Variants in THBS4 observed in about 807,000 individuals in gnomAD.
THBS4 encodes thrombospondin 4.
Under a neutral mutation model 115.7 loss-of-function variants are expected in THBS4, and 90 were observed. That is an observed-to-expected ratio of 0.78 (90% CI 0.66 to 0.93). The LOEUF is 0.93. Ranked by LOEUF, THBS4 falls within the 40% of genes least tolerant of loss-of-function variation. The pLI is 0.00. For synonymous variants in THBS4, 460 were observed against 479.3 expected, an observed-to-expected ratio of 0.96 and a Z score of 0.53; for missense variants, 1,087 against 1,232.7, an observed-to-expected ratio of 0.88 and a Z score of 1.77.
intron 8 of THBS4, among the ~76,000 whole-genome samples, chr5:80,064,767 A>G (rs1833755532): frequency 6.6e-6 from 1 of 152,222 alleles, no homozygotes; most frequent in Non-Finnish European, 1.5e-5. Flanking sequence ...GCAATGTGAG[A>G]AAAACAGATA....
At chr5:80,047,195 G>A (rs1463224679) in intron 2 of THBS4, among the ~76,000 whole-genome samples, 4 of 152,128 alleles carry the variant, frequency 2.6e-5, no homozygotes, top group African/African-American at 9.7e-5. Flanking sequence ...TTACATTTTA[G>A]GTTTCATTAG....
At chr5:80,051,911 GA>G (rs1833270347) in intron 2 of THBS4, among the ~76,000 whole-genome samples, 1 of 152,146 alleles carries the variant, frequency 6.6e-6, no homozygotes, top group African/African-American at 2.4e-5. Context: ...TGTTTCCTTT[GA>G]ATTTCACAGA....
At chr5:79,997,365 GA>G (rs904263274) in intron 1 of THBS4, among the ~76,000 whole-genome samples, 15 of 149,476 alleles carry the variant, frequency 1.0e-4, no homozygotes, top group Admixed American at 6.7e-4. Context: ...CATTGATCAG[GA>G]AAAAAAAAGT....
chr5:80,059,960 G>T (rs958707974), intron 7 of THBS4, 55 bp downstream of exon 7: 10 of 1,556,344 alleles, frequency 6.4e-6, no homozygotes, highest in Non-Finnish European at 7.9e-6. Context: ...TCACCCTGCA[G>T]CTTTTGGAAA....
Position 80,070,697 on chromosome 5 carries a change from A to G in THBS4, c.1507A>G (p.Ile503Val). 6.2e-7 allele frequency: 1 copy of G among 1,614,218 alleles called. No homozygotes were observed. The highest frequency in any genetic ancestry group is 1.1e-5 in the South Asian group (1 of 91,088). The change falls in exon 12 of 22, where the codon ATT becomes GTT. Residue 503 changes from isoleucine to valine, a missense_variant. Transcript: ENST00000350881. ...CCAAGAAGATGCAGACAGAGATGGC[A>G]TTGGCGACGCTTGTGACGAGGATGC... ...SGQEDADRDG[I>V]GDACDEDADG... is the part of the protein sequence containing the mutation.
At chr5:80,049,856 A>G (rs1031649205) in intron 2 of THBS4, among the ~76,000 whole-genome samples, 1 of 152,224 alleles carries the variant, frequency 6.6e-6, no homozygotes, top group Non-Finnish European at 1.5e-5. Flanking sequence ...ACAGTCCTAT[A>G]AGAAGTTCAA....
intron 15 of THBS4, 76 bp from the exon 16 acceptor site, chr5:80,076,779 A>C: frequency 1.5e-6 from 2 of 1,323,858 alleles, no homozygotes; most frequent in Non-Finnish European, 2.0e-6. Context: ...TCAAGCACAG[A>C]CTCTCCTTCC....
intron 2 of THBS4, among the ~76,000 whole-genome samples, chr5:80,015,454 GTC>G (rs1200494290): frequency 6.6e-6 from 1 of 152,198 alleles, no homozygotes; most frequent in Non-Finnish European, 1.5e-5. Flanking sequence ...GCTGAAGCCT[GTC>G]TCACCTTTGA....
intron 2 of THBS4, among the ~76,000 whole-genome samples, chr5:80,007,007 A>C (rs1832032231): frequency 6.6e-6 from 1 of 152,248 alleles, no homozygotes; most frequent in African/African-American, 2.4e-5. Flanking sequence ...TGCATAAATG[A>C]ACAAAGTGGA....
rs1833987143 is a variant in THBS4, at chr5:80,070,309, G to A, written c.1351G>A (p.Gly451Arg). 1 of 1,580,546 alleles carries A rather than the reference G, an allele frequency of 6.3e-7. No homozygotes were observed. The highest frequency in any genetic ancestry group is 1.3e-5 in the African/African-American group (1 of 74,112). Residue 451 changes from glycine to arginine, a missense_variant, in exon 11 of 22, where the codon GGA becomes AGA. Transcript: ENST00000350881. ...ERQGDVTCVC[G>R]VGWAGDGYIC... ...CTGATGGGCTTTCCCTTTACAGTGTGGAGTCGGTTGGGCTGGAGATGGCTA... is the reference window on the plus strand; with the variant it reads ...CTGATGGGCTTTCCCTTTACAGTGTAGAGTCGGTTGGGCTGGAGATGGCTA...
intron 7 of THBS4, among the ~76,000 whole-genome samples, chr5:80,061,008 G>A (rs1188054752): frequency 1.3e-5 from 2 of 152,206 alleles, no homozygotes; most frequent in Admixed American, 6.5e-5. Flanking sequence ...CTAGTAGTAA[G>A]CAATTAAGAC....
At chr5:80,072,483 G>C in intron 14 of THBS4, 87 bp downstream of exon 14, 1 of 1,220,594 alleles carries the variant, frequency 8.2e-7, no homozygotes, top group Non-Finnish European at 1.2e-6. Flanking sequence ...AAAAACAGCA[G>C]AGCCTCTTAG....
At chr5:80,007,219 C>T (rs1832036096) in intron 2 of THBS4, among the ~76,000 whole-genome samples, 1 of 152,206 alleles carries the variant, frequency 6.6e-6, no homozygotes, top group African/African-American at 2.4e-5. Context: ...TAGATACTAA[C>T]AGGGAGTAAT....
chr5:80,050,592 G>C (rs77112783), intron 2 of THBS4, among the ~76,000 whole-genome samples: 183 of 152,300 alleles, frequency 1.2e-3, no homozygotes, highest in African/African-American at 4.3e-3. Flanking sequence ...TTTGGGGATT[G>C]CTCAGACTCT....
intron 1 of THBS4, chr5:80,036,269 G>T: frequency 1.1e-6 from 1 of 897,588 alleles, no homozygotes; most frequent in Non-Finnish European, 1.3e-6. Flanking sequence ...TTCCTAAGTG[G>T]ATTAAGGCAG....
rs780582155 is a variant in THBS4 at position 80,079,969 on chromosome 5, C to A, written c.2576C>A (p.Thr859Asn). The change falls in exon 20 of 22, where the codon ACC (threonine) becomes AAC (asparagine). Residue 859 changes from threonine (T) to asparagine (N), a missense_variant. By Grantham distance (65) the Thr-to-Asn change is moderately conservative. Transcript: ENST00000350881. ...AACTCCCTGTGGCACACGGGGGACA[C>A]CAGTGACCAGGTCAGGCTGCTGTGG... ...LRNSLWHTGD[T>N]SDQVRLLWKD... is the part of the protein sequence containing the mutation. 6.2e-7 allele frequency: 1 copy of A among 1,614,018 alleles called. No individual in the cohort carries two copies. The highest frequency in any genetic ancestry group is 8.5e-7 in the Non-Finnish European group (1 of 1,179,982).
chr5:80,004,869 C>A (rs988869873), intron 2 of THBS4, among the ~76,000 whole-genome samples: 11 of 152,038 alleles, frequency 7.2e-5, no homozygotes, highest in Non-Finnish European at 1.3e-4. Context: ...TCCTGAATAG[C>A]TGGGATTACA....
At chr5:80,040,348 T>C in intron 2 of THBS4, 68 bp downstream of exon 2, 1 of 1,285,954 alleles carries the variant, frequency 7.8e-7, no homozygotes, top group Non-Finnish European at 1.1e-6. Context: ...AGGGGTATAC[T>C]GTCTTTGAGA....
chr5:80,006,320 G>T lies in THBS4; in HGVS notation n.177+7893G>T, dbSNP rs116336720. Among the ~76,000 whole-genome samples the T allele has an allele frequency of 5.6e-3, 848 of 152,256 alleles. 4 individuals are homozygous for T. Among genetic ancestry groups the T allele is most frequent in the Middle Eastern group, 0.02 (6 of 294 alleles). ...GAGAATCATGGGGGTGCTTTCCCCTGTACTGTTCTCATGGTAGTGAATAAG... is the reference window on the plus strand; with the variant it reads ...GAGAATCATGGGGGTGCTTTCCCCTTTACTGTTCTCATGGTAGTGAATAAG... On this transcript the variant is annotated intron_variant and non_coding_transcript_variant, in intron 2 of 3. Coordinates refer to the THBS4 transcript ENST00000510218.
Sources: gnomAD v4.1 joint callset for allele counts (sites outside exome capture counted in the v4.1 genomes callset) on GRCh38, gnomAD v4.1.1 for gene constraint, MANE v1.5 for transcripts, NCBI Gene and HGNC (gene_info 2026-07-23, HGNC 2026-07-21) for gene names.